Variants in MINK1 observed in about 807,000 individuals in gnomAD.
The protein encoded by MINK1 is misshapen like kinase 1, also known as misshapen-like kinase 1.
MINK1 carries 46 observed loss-of-function variants against 178.4 expected under a neutral mutation model. The ratio of observed to expected loss-of-function variants is 0.26; its 90% CI spans 0.20 to 0.33. The LOEUF (loss-of-function observed/expected upper bound fraction) is 0.33. MINK1 is among the 10% of genes least tolerant of loss of function. The pLI is 1.00. For missense variants in MINK1, 1,366 were observed against 1,814.9 expected (o/e 0.75, Z 4.49); for synonymous variants, 797 against 709.7 (o/e 1.12, Z -1.96).
In MINK1 at chr17:4,896,878, A is replaced by G. The variant is rs1443908850; in HGVS notation, c.3915+65A>G. Reference sequence around the variant, plus strand: ...CTGCCATGACCCTAGGCCCCTGGGCAGAGTTCTGGGGAGAGGATGGTGGTG... The same window carrying G: ...CTGCCATGACCCTAGGCCCCTGGGCGGAGTTCTGGGGAGAGGATGGTGGTG... On this transcript the variant is annotated intron_variant, in intron 31 of 31. Coordinates refer to ENST00000355280, the MANE Select transcript of MINK1 (RefSeq NM_153827.5). This position sits in a 1 kb window ranked among gnomAD's most constrained non-coding sequence, Gnocchi z 4.6. The G allele has an allele frequency of 6.7e-7, 1 of 1,502,332 alleles. No individual in the cohort carries two copies. The highest frequency in any genetic ancestry group is 8.9e-7 in the Non-Finnish European group (1 of 1,127,992). 93.1% of individuals were successfully genotyped at this position (1,502,332 alleles called of 1,614,324 possible). A position where few individuals can be genotyped will look rare whatever the true frequency, so the allele number is the denominator to read the frequency against.
In MINK1 at chr17:4,892,243, TG is replaced by T. The variant is rs1175479777; in HGVS notation, c.2087+12del. ...CAGGCAGTCCGTGCCAGGTAATGCCTGGGTAGGGCAACGCCTGGGTGAGGTC... is the reference window on the plus strand; with the variant it reads ...CAGGCAGTCCGTGCCAGGTAATGCCTGGTAGGGCAACGCCTGGGTGAGGTC... On this transcript the variant is annotated intron_variant, in intron 17 of 31. Transcript: ENST00000355280. 9 of 1,566,222 alleles carry T rather than the reference TG, an allele frequency of 5.7e-6. No individual in the cohort carries two copies. Among genetic ancestry groups the T allele is most frequent in the South Asian group, 1.2e-5 (1 of 85,494 alleles).
chr17:4,888,744 C>T (rs904891710), intron 12 of MINK1, among the ~76,000 whole-genome samples: 4 of 135,506 alleles, frequency 3.0e-5, no homozygotes, highest in South Asian at 2.4e-4. Flanking sequence ...CCCAGGGTGA[C>T]GAGTGCAGTG....
rs1968189547 is a variant in MINK1 at position 4,886,284 on chromosome 17, G to A, written c.773+86G>A. 1.3e-6 allele frequency: 2 copies of A among 1,546,474 alleles called. No individual in the cohort carries two copies. The highest frequency in any genetic ancestry group is 1.8e-6 in the Non-Finnish European group (2 of 1,119,158). On this transcript the variant is annotated intron_variant, in intron 9 of 31. Coordinates refer to ENST00000355280, the MANE Select transcript of MINK1 (RefSeq NM_153827.5). The surrounding 1 kb of genome is among the most constrained non-coding windows in gnomAD (Gnocchi z 6.1). ...TTCATGCCCTCTGTGCTCAGGCTTG[G>A]ATCTCACCAGAGAAGAGATTCTGGG...
rs189030342 is a variant in MINK1 at position 4,885,999 on chromosome 17, G to C, written c.694+34G>C. ...TGAGTCTGCCGGGAGTGGGAGGGGA[G>C]GGAAAGGAAGGGCCCAGAGAGTGGC... On this transcript the variant is annotated intron_variant, in intron 8 of 31. Transcript: ENST00000355280. This position sits in a 1 kb window ranked among gnomAD's most constrained non-coding sequence, Gnocchi z 5.0. 2,268 of 1,612,690 alleles carry C rather than the reference G, an allele frequency of 1.4e-3. 4 individuals carry two copies. The highest frequency in any genetic ancestry group is 1.3e-3 in the Non-Finnish European group (1,565 of 1,178,752).
In MINK1 at chr17:4,896,299, A is replaced by C. The variant is rs1311894106; in HGVS notation, c.3572A>C (p.Asp1191Ala). 2 of 1,602,912 alleles carry C rather than the reference A, an allele frequency of 1.2e-6. No individual in the cohort carries two copies. Among genetic ancestry groups the C allele is most frequent in the Admixed American group, 1.7e-5 (1 of 59,288 alleles). The change falls in exon 29 of 32, where the codon GAT (aspartate) becomes GCT (alanine). Residue 1191 changes from aspartate to alanine, a missense_variant. Coordinates refer to ENST00000355280, the MANE Select transcript of MINK1 (RefSeq NM_153827.5). This position sits in a 1 kb window ranked among gnomAD's most constrained non-coding sequence, Gnocchi z 4.6. Reference protein sequence around the residue: ...YGSSAGFHAVDVDSGNSYDIY... With the variant: ...YGSSAGFHAVAVDSGNSYDIY... ...TCCAGTGCTGGCTTCCATGCTGTGG[A>C]TGTCGACTCGGGGAACAGCTATGAC...
chr17:4,851,933 G>C (rs1248030244), intron 1 of MINK1, among the ~76,000 whole-genome samples: 1 of 146,684 alleles, frequency 6.8e-6, no homozygotes, highest in Non-Finnish European at 1.5e-5. Flanking sequence ...CGGGGAGGCA[G>C]AGGATGCGGT....
chr17:4,861,233 G>A (rs922655378), intron 1 of MINK1, among the ~76,000 whole-genome samples: 1 of 152,254 alleles, frequency 6.6e-6, no homozygotes, highest in African/African-American at 2.4e-5. Context: ...CCAGCCTGGT[G>A]TGGCCAGTGC....
At chr17:4,891,198 GCGCACACA>G (rs1375769472) in intron 15 of MINK1, 74 bp downstream of exon 15, 10 of 1,129,352 alleles carry the variant, frequency 8.9e-6, no homozygotes, top group Admixed American at 6.6e-5. Flanking sequence ...ACACACACGC[GCGCACACA>G]CACACACACA....
intron 12 of MINK1, among the ~76,000 whole-genome samples, chr17:4,888,690 CTTTTTTTTT>C (rs35392409): frequency 1.6e-4 from 14 of 87,866 alleles, no homozygotes; most frequent in Admixed American, 4.2e-4. Flanking sequence ...AAAGTCCTAT[CTTTTTTTTT>C]TTTTTTTTTT....
At position 4,894,232 on chromosome 17, in the gene MINK1, C is replaced by T; in HGVS notation, c.2729C>T (p.Pro910Leu). Residue 910 changes from proline to leucine, a missense_variant, in exon 23 of 32, where the codon CCT (proline) becomes CTT (leucine). Physicochemically the swap from Pro to Leu is moderately conservative, Grantham distance 98 (BLOSUM62 -3). This residue lies in a region of MINK1 where 709 missense variants were observed against 692.3 expected (regional missense o/e 1.02). Coordinates refer to ENST00000355280, the MANE Select transcript of MINK1 (RefSeq NM_153827.5). The surrounding 1 kb of genome is among the most constrained non-coding windows in gnomAD (Gnocchi z 4.1). ...HADSNGYTNL[P>L]DVVQPSHSPT... is the part of the protein sequence containing the mutation. ...GACAGCAATGGGTACACAAACCTGC[C>T]TGACGTGGTCCAGCCCAGCCACTCA... The T allele has an allele frequency of 2.5e-6, 4 of 1,613,448 alleles. No individual in the cohort carries two copies. The highest frequency in any genetic ancestry group is 3.4e-6 in the Non-Finnish European group (4 of 1,179,844).
chr17:4,870,208 G>C (rs529386817), intron 1 of MINK1, among the ~76,000 whole-genome samples: 1 of 148,612 alleles, frequency 6.7e-6, no homozygotes, highest in South Asian at 2.1e-4. Flanking sequence ...CACTGCGCCC[G>C]GCCAATTTTT....
Position 4,893,522 on chromosome 17 carries a change from T to C in MINK1, c.2489T>C (p.Val830Ala). 6.3e-7 allele frequency: 1 copy of C among 1,598,726 alleles called. No homozygotes were observed. The highest frequency in any genetic ancestry group is 8.6e-7 in the Non-Finnish European group (1 of 1,168,702). Residue 830 changes from valine to alanine, a missense_variant, in exon 21 of 32, where the codon GTG becomes GCG. This residue lies in a region of MINK1 where 709 missense variants were observed against 692.3 expected (regional missense o/e 1.02). Transcript: ENST00000355280. ...GACTACTCGTCGTCCAGCGAGGAGGTGGAAAGCAGTGAGGACGACGAGGAG... is the reference window on the plus strand; with the variant it reads ...GACTACTCGTCGTCCAGCGAGGAGGCGGAAAGCAGTGAGGACGACGAGGAG... ...AMDYSSSSEE[V>A]ESSEDDEEEG...
In MINK1 at chr17:4,895,648, G is replaced by A. The variant is rs368176959; in HGVS notation, c.3230-50G>A. The A allele has an allele frequency of 1.6e-5, 26 of 1,598,232 alleles. No individual in the cohort carries two copies. Among genetic ancestry groups the A allele is most frequent in the Middle Eastern group, 3.3e-4 (2 of 5,982 alleles). ...AGAGGAGGCCAGGGCGGTGGCATTC[G>A]GGCCTCAGATGAGAATGGGGGCGGG... On this transcript the variant is annotated intron_variant, in intron 26 of 31. Coordinates refer to ENST00000355280, the MANE Select transcript of MINK1 (RefSeq NM_153827.5). This position sits in a 1 kb window ranked among gnomAD's most constrained non-coding sequence, Gnocchi z 4.3.
intron 4 of MINK1, chr17:4,883,113 C>G (rs1305755048): frequency 6.7e-6 from 1 of 149,224 alleles, no homozygotes; most frequent in African/African-American, 2.5e-5. Context: ...AGAGTAAGAC[C>G]CTGTCTCAAA....
At chr17:4,844,192 G>C (rs1005892668) in intron 1 of MINK1, among the ~76,000 whole-genome samples, 2 of 151,906 alleles carry the variant, frequency 1.3e-5, no homozygotes, top group African/African-American at 2.4e-5. Flanking sequence ...GTAGAGACAG[G>C]GTTTCACCAT....
chr17:4,881,197 C>T lies in MINK1; in HGVS notation c.246C>T (p.Ile82=), dbSNP rs879051089. 6 of 1,537,208 alleles carry T rather than the reference C, an allele frequency of 3.9e-6. No individual in the cohort carries two copies. The South Asian group carries it at 4.8e-5, about 12-fold the overall frequency. ...AAAAGTACTCTCACCACCGCAACAT[C>T]GCCACCTACTACGGAGCCTTCATCA... ...MLKKYSHHRN[I]ATYYGAFIKK... The change falls in exon 4 of 32, where the codon ATC becomes ATT. Residue 82 remains isoleucine, a synonymous_variant. Transcript: ENST00000355280.
chr17:4,894,371 C>A lies in MINK1; in HGVS notation c.2808+60C>A. On this transcript the variant is annotated intron_variant, in intron 23 of 31. Transcript: ENST00000355280. The surrounding 1 kb of genome is among the most constrained non-coding windows in gnomAD (Gnocchi z 4.1). ...AGAGCCCTGGCGATGGGCAGGAGGTCCCGGTGCTGGGTAACGGCAGAGGAT... is the reference window on the plus strand; with the variant it reads ...AGAGCCCTGGCGATGGGCAGGAGGTACCGGTGCTGGGTAACGGCAGAGGAT... 6.3e-7 allele frequency: 1 copy of A among 1,577,000 alleles called. No homozygotes were observed. The highest frequency in any genetic ancestry group is 1.2e-5 in the South Asian group (1 of 86,130).
chr17:4,870,596 G>A (rs976592899), intron 1 of MINK1, among the ~76,000 whole-genome samples: 5 of 151,892 alleles, frequency 3.3e-5, no homozygotes, highest in Admixed American at 1.3e-4. Context: ...AGGCCAAGGC[G>A]GGCGGATCAC....
Position 4,887,541 on chromosome 17 carries a change from G to A in MINK1, c.1020-39G>A. 2 of 1,464,348 alleles carry A rather than the reference G, an allele frequency of 1.4e-6. No individual in the cohort carries two copies. Among genetic ancestry groups the A allele is most frequent in the African/African-American group, 1.4e-5 (1 of 70,170 alleles). 90.7% of individuals were successfully genotyped at this position (1,464,348 alleles called of 1,614,324 possible). A position where few individuals can be genotyped will look rare whatever the true frequency, so the allele number is the denominator to read the frequency against. On this transcript the variant is annotated intron_variant, in intron 11 of 31. Coordinates refer to ENST00000355280, the MANE Select transcript of MINK1 (RefSeq NM_153827.5). This position sits in a 1 kb window ranked among gnomAD's most constrained non-coding sequence, Gnocchi z 7.6. ...GGGGTTGAGAGTGGGAACCAACAGG[G>A]TTCTGACCCCAGTGCTTCTTTGTGC...
Sources: gnomAD v4.1 joint callset for allele counts (sites outside exome capture counted in the v4.1 genomes callset) on GRCh38, gnomAD v4.1.1 for gene constraint, gnomAD v4.1.1 regional missense constraint, Gnocchi (gnomAD v3.1) non-coding constraint, MANE v1.5 for transcripts, NCBI Gene and HGNC (gene_info 2026-07-23, HGNC 2026-07-21) for gene names.